The following CTU2 variants were observed in gnomAD, a reference collection of about 807,000 sequenced individuals.
The protein encoded by CTU2 is cytoplasmic tRNA 2-thiolation protein 2.
In CTU2, 80 loss-of-function variants were observed where a neutral mutation model predicts 64.1. The ratio of observed to expected loss-of-function variants is 1.25; its 90% CI spans 1.04 to 1.50. The LOEUF is 1.50. Among genes scored for constraint, CTU2 ranks in the 40% most tolerant of loss-of-function variants. The pLI, the probability that CTU2 is intolerant of heterozygous loss-of-function variation, is 0.00. For missense variants in CTU2, 1,110 were observed against 690.2 expected (o/e 1.61, Z -6.81); for synonymous variants, 482 against 285.3 (o/e 1.69, Z -6.95).
intron 5 of CTU2, 175 bp from the exon 6 acceptor site, chr16:88,712,099 G>A (rs368466028): frequency 4.2e-6 from 3 of 717,542 alleles, no homozygotes; most frequent in African/African-American, 3.5e-5. Flanking sequence ...GCTGAGGTCA[G>A]CCGCAAGAGA....
rs1378060535 is a variant in CTU2 at position 88,714,128 on chromosome 16, G to A, written c.1006-8G>A. 1 of 1,612,328 alleles carries A rather than the reference G, an allele frequency of 6.2e-7. No individual in the cohort carries two copies. Among genetic ancestry groups the A allele is most frequent in the Admixed American group, 1.7e-5 (1 of 60,016 alleles). The stretch of plus-strand genomic sequence containing the variant: ...CTTTCCCATAGCCTCCAATCTGATT[G>A]TCCCTAGGCCCCTGAAAAGGCCAGC... On this transcript the variant is annotated splice_polypyrimidine_tract_variant and splice_region_variant and intron_variant, in intron 9 of 14. Transcript: ENST00000453996.
chr16:88,707,178 TGTG>T lies in CTU2; in HGVS notation c.115_117del (p.Val39del), dbSNP rs774283390. On this transcript the variant is annotated inframe_deletion, in exon 2 of 15. Coordinates refer to ENST00000453996, the MANE Select transcript of CTU2 (RefSeq NM_001012759.3). ...TGAAGTGCAAGGAAGCGCAGCCCGT[TGTG>T]GTGATACGAGCCGGAGATGCCTTCT... 2.5e-6 allele frequency: 4 copies of T among 1,613,778 alleles called. No homozygotes were observed. Among genetic ancestry groups the T allele is most frequent in the South Asian group, 2.2e-5 (2 of 91,088 alleles).
At chr16:88,708,886 T>C (rs1911109006) in intron 2 of CTU2, 2 of 152,140 alleles carry the variant, frequency 1.3e-5, no homozygotes, top group Non-Finnish European at 2.9e-5. Context: ...CCTAGACAAT[T>C]TGACTTAATT....
chr16:88,713,463 G>T lies in CTU2; in HGVS notation c.873+16G>T. The T allele has an allele frequency of 1.3e-6, 2 of 1,567,120 alleles. No homozygotes were observed. Among genetic ancestry groups the T allele is most frequent in the Non-Finnish European group, 8.6e-7 (1 of 1,162,790 alleles). On this transcript the variant is annotated intron_variant, in intron 8 of 14. Transcript: ENST00000453996. ...CTGGGATACGGTAGGCAGGGGCCTG[G>T]GTGTTCAGGAGGCCCATCCTCACCT...
chr16:88,715,050 C>G lies in CTU2; in HGVS notation c.1422C>G (p.Pro474=). Residue 474 remains proline, a splice_region_variant and synonymous_variant, in exon 14 of 15, where the codon CCC becomes CCG. Coordinates refer to ENST00000453996, the MANE Select transcript of CTU2 (RefSeq NM_001012759.3). ...YSCRVNMKDL[P]SLDPLPPYIL... ...CTCGACACCGGCCTCTGTTGCAGCC[C>G]TCACTGGACCCCCTGCCGCCGTACA... 1 of 1,573,592 alleles carries G rather than the reference C, an allele frequency of 6.4e-7. No homozygotes were observed. The highest frequency in any genetic ancestry group is 8.6e-7 in the Non-Finnish European group (1 of 1,158,518).
chr16:88,709,564 CT>C, intron 2 of CTU2: 11 of 200,914 alleles, frequency 5.5e-5, no homozygotes, highest in South Asian at 1.1e-4. Flanking sequence ...TGTGGTGGGT[CT>C]TTTTTTATGG....
At chr16:88,712,475 A>G (rs1173515459) in intron 6 of CTU2, 92 bp downstream of exon 6, 3 of 1,433,892 alleles carry the variant, frequency 2.1e-6, no homozygotes, top group Non-Finnish European at 2.8e-6. Flanking sequence ...CCCTCATCCC[A>G]GAAGGCGGGG....
At position 88,714,824 on chromosome 16, in the gene CTU2, G is replaced by A. The variant is rs376124930; in HGVS notation, c.1353-36G>A. On this transcript the variant is annotated intron_variant, in intron 12 of 14. Coordinates refer to ENST00000453996, the MANE Select transcript of CTU2 (RefSeq NM_001012759.3). ...ACCCCACACTGCACGGCATTGAGGT[G>A]CCAAGGTGGGCACACAGCCAGCTCT... is the stretch of plus-strand genomic sequence containing the variant. The A allele has an allele frequency of 7.4e-6, 12 of 1,612,198 alleles. No homozygotes were observed. In the African/African-American group the frequency reaches 1.3e-4, roughly 18 times the overall value.
At chr16:88,714,044 C>G (rs760164445) in intron 9 of CTU2, 92 bp from the exon 10 acceptor site, 1 of 1,282,936 alleles carries the variant, frequency 7.8e-7, no homozygotes, top group Non-Finnish European at 1.1e-6. Flanking sequence ...GGGCCAGCAG[C>G]GTGGAACCCA....
At chr16:88,714,249 TGCGGGGG>T (rs1567652199) in intron 10 of CTU2, 22 bp downstream of exon 10, 7 of 1,601,818 alleles carry the variant, frequency 4.4e-6, no homozygotes, top group African/African-American at 1.4e-5. Context: ...TGTGGGTGTG[TGCGGGGG>T]GTGCGCGGGT....
rs574986145 is a variant in CTU2, at chr16:88,706,566, G to C, written c.36G>C (p.Ala12=). 107 of 1,456,656 alleles carry C rather than the reference G, an allele frequency of 7.3e-5. No homozygotes were observed. Among genetic ancestry groups the C allele is most frequent in the Non-Finnish European group, 9.2e-5 (102 of 1,111,352 alleles). The allele number at this position is 1,456,656 out of a possible 1,614,324, so 90.2% of individuals were successfully genotyped here. ...CQVGEDYGEP[A]PEEPPPAPRP... is the part of the protein sequence containing the mutation. ...TGGGCGAGGACTACGGGGAGCCGGC[G>C]CCTGAGGAGCCGCCCCCGGCGCCGC... Residue 12 remains alanine (A), a synonymous_variant, in exon 1 of 15, where the codon GCG becomes GCC. Transcript: ENST00000453996.
chr16:88,714,145 AAGGCCAGCATCCACCGGCTGATGG>A lies in CTU2; in HGVS notation c.1021_1044del (p.Ser341_Ala348del), dbSNP rs1911643175. ...ATCTGATTGTCCCTAGGCCCCTGAA[AAGGCCAGCATCCACCGGCTGATGG>A]AGGCCTTCATCCTCAGGCTGCAGAC... On this transcript the variant is annotated inframe_deletion, in exon 10 of 15. Coordinates refer to ENST00000453996, the MANE Select transcript of CTU2 (RefSeq NM_001012759.3). The A allele has an allele frequency of 6.2e-7, 1 of 1,612,348 alleles. No individual in the cohort carries two copies. The highest frequency in any genetic ancestry group is 8.5e-7 in the Non-Finnish European group (1 of 1,179,826).
chr16:88,711,819 G>A, intron 5 of CTU2, 124 bp downstream of exon 5: 1 of 899,678 alleles, frequency 1.1e-6, no homozygotes, highest in Non-Finnish European at 1.7e-6. Context: ...TTGAGCTACT[G>A]GTGCTGCCCC....
intron 9 of CTU2, 108 bp downstream of exon 9, chr16:88,713,886 C>T: frequency 6.9e-7 from 1 of 1,440,502 alleles, no homozygotes; most frequent in South Asian, 1.3e-5. Flanking sequence ...TTCAGTGACT[C>T]CTGCTGTGGC....
chr16:88,708,614 C>G (rs1034225455), intron 2 of CTU2, among the ~76,000 whole-genome samples: 2 of 152,180 alleles, frequency 1.3e-5, no homozygotes, highest in African/African-American at 4.8e-5. Context: ...CACCTGGCAT[C>G]TTGCTGTTAA....
At chr16:88,707,084 T>TG in intron 1 of CTU2, 52 bp from the exon 2 acceptor site, 1 of 1,581,598 alleles carries the variant, frequency 6.3e-7, no homozygotes, top group Non-Finnish European at 8.7e-7. Flanking sequence ...CCACTAGGCG[T>TG]GGGGAAGATG....
rs368086171 is a variant in CTU2, at chr16:88,713,629, A to G, written c.874-18A>G. ...ATTCGGGCCTTGACCTGGACCACAC[A>G]GCCCCTGCCTCCCGCAGGGCTTCTC... On this transcript the variant is annotated intron_variant, in intron 8 of 14. Transcript: ENST00000453996. 1.9e-6 allele frequency: 3 copies of G among 1,609,064 alleles called. No homozygotes were observed. Among genetic ancestry groups the G allele is most frequent in the Admixed American group, 1.7e-5 (1 of 59,748 alleles).
At chr16:88,714,770 T>C in intron 12 of CTU2, 33 bp downstream of exon 12, 3 of 1,605,544 alleles carry the variant, frequency 1.9e-6, no homozygotes, top group Non-Finnish European at 2.6e-6. Flanking sequence ...CATGGCCAGC[T>C]GCATGGGGCG....
chr16:88,712,564 C>T, intron 6 of CTU2, 58 bp from the exon 7 acceptor site: 1 of 1,573,974 alleles, frequency 6.4e-7, no homozygotes, highest in East Asian at 2.3e-5. Flanking sequence ...GTGGGGCTGT[C>T]TGTGGGGGGC....
Sources: allele counts gnomAD v4.1 joint callset (sites outside exome capture counted in the v4.1 genomes callset), GRCh38; gene constraint gnomAD v4.1.1; transcripts MANE v1.5; gene names NCBI Gene and HGNC (gene_info 2026-07-23, HGNC 2026-07-21).